Variants in PARD3B observed in about 807,000 individuals in gnomAD.
The protein encoded by PARD3B is partitioning defective 3 homolog B.
A neutral mutation model predicts 130.2 loss-of-function variants in PARD3B; 103 were observed. The observed-to-expected ratio is 0.79, with a 90% CI of 0.67 to 0.93. The LOEUF (loss-of-function observed/expected upper bound fraction) is 0.93, where lower values mean the gene tolerates loss of function less well. PARD3B is among the 40% of genes least tolerant of loss of function. The probability of loss-of-function intolerance (pLI) is 0.00; values close to 1 mark genes in which losing one functional copy is unlikely to be tolerated. For synonymous variants in PARD3B, 583 were observed against 553.2 expected (o/e 1.05, Z -0.76); for missense variants, 1,609 against 1,499.2 (o/e 1.07, Z -1.21).
intron 21 of PARD3B, among the ~76,000 whole-genome samples, chr2:205,505,170 C>T (rs535891508): frequency 3.3e-5 from 5 of 149,366 alleles, no homozygotes; most frequent in East Asian, 4.1e-4. Flanking sequence ...TGTTCTCACC[C>T]GTAGGTGGGA....
At chr2:204,708,039 T>C (rs548077233) in intron 2 of PARD3B, among the ~76,000 whole-genome samples, 112 of 152,262 alleles carry the variant, frequency 7.4e-4, no homozygotes, top group African/African-American at 2.6e-3. Context: ...CACAGCAGGA[T>C]GAGGATAGAA....
intron 2 of PARD3B, among the ~76,000 whole-genome samples, chr2:204,912,017 G>A (rs2047257400): frequency 6.6e-6 from 1 of 152,046 alleles, no homozygotes; most frequent in Admixed American, 6.5e-5. Context: ...GTTATTAGCT[G>A]TAATGGAAAA....
At chr2:205,494,209 A>G (rs2049841532) in intron 20 of PARD3B, among the ~76,000 whole-genome samples, 1 of 152,196 alleles carries the variant, frequency 6.6e-6, no homozygotes, top group Non-Finnish European at 1.5e-5. Context: ...GAAAACAGAA[A>G]CAGCTGTTTG....
chr2:205,084,576 A>G (rs1701628878), intron 4 of PARD3B, among the ~76,000 whole-genome samples: 1 of 152,082 alleles, frequency 6.6e-6, no homozygotes, highest in South Asian at 2.1e-4. Flanking sequence ...AATTTTTAAA[A>G]TGTTGTTATG....
rs572544144 is a variant in PARD3B at position 204,906,280 on chromosome 2, G to C, written c.223-58872G>C. On this transcript the variant is annotated intron_variant, in intron 2 of 22. Coordinates refer to ENST00000406610, the MANE Select transcript of PARD3B (RefSeq NM_001302769.2). The surrounding 1 kb of genome is among the most constrained non-coding windows in gnomAD (Gnocchi z 4.3). ...CTGGAGTAGGTGTCTCCTTCAGAAT[G>C]CAACCCATTTAGACTCAGACTTTTC... 6.6e-5 allele frequency among the ~76,000 whole-genome samples: 10 copies of C among 152,224 alleles called. No homozygotes were observed. In the South Asian group the frequency reaches 2.1e-3, roughly 32 times the overall value.
chr2:204,971,610 C>A (rs1354995168), intron 3 of PARD3B, among the ~76,000 whole-genome samples: 1 of 150,848 alleles, frequency 6.6e-6, no homozygotes, highest in East Asian at 2.0e-4. Context: ...CTTTCCTTCC[C>A]TGGGAGTCTG....
intron 3 of PARD3B, among the ~76,000 whole-genome samples, chr2:205,035,028 T>A (rs1239392919): frequency 6.6e-6 from 1 of 151,936 alleles, no homozygotes; most frequent in Non-Finnish European, 1.5e-5. Flanking sequence ...GCCCGGCTGA[T>A]TTTTTTGTAC....
chr2:205,194,950 A>ATTTTTTTTTT (rs56836818), intron 15 of PARD3B, among the ~76,000 whole-genome samples: 163 of 111,130 alleles, frequency 1.5e-3, no homozygotes, highest in African/African-American at 2.3e-3. Context: ...CGCCAGGCTA[A>ATTTTTTTTTT]TTTTTTTTTT....
chr2:205,374,336 C>T (rs1319736809), intron 18 of PARD3B, among the ~76,000 whole-genome samples: 6 of 151,910 alleles, frequency 3.9e-5, no homozygotes, highest in Non-Finnish European at 4.4e-5. Context: ...TCTTGGGTCC[C>T]GGTTCAAGCA....
At chr2:205,233,325 G>A (rs1002100974) in intron 15 of PARD3B, among the ~76,000 whole-genome samples, 1 of 152,100 alleles carries the variant, frequency 6.6e-6, no homozygotes, top group Non-Finnish European at 1.5e-5. Flanking sequence ...AGTTGAAAGA[G>A]TAAATCACCA....
chr2:205,167,146 G>C (rs1205602703), intron 11 of PARD3B, among the ~76,000 whole-genome samples: 1 of 152,136 alleles, frequency 6.6e-6, no homozygotes, highest in Non-Finnish European at 1.5e-5. Context: ...GCCAAGCCAG[G>C]TGGATTAAGC....
chr2:205,137,652 C>G (rs1273428338), intron 10 of PARD3B, among the ~76,000 whole-genome samples: 2 of 152,174 alleles, frequency 1.3e-5, no homozygotes, highest in East Asian at 1.9e-4. Context: ...TTCGTTTAGA[C>G]TTATGCATGG....
chr2:204,558,179 A>G (rs1436449598), intron 1 of PARD3B: 1 of 152,176 alleles, frequency 6.6e-6, no homozygotes, highest in African/African-American at 2.4e-5. Flanking sequence ...ATGCAGTGCC[A>G]AGTATCTTCC....
At chr2:205,338,185 A>G (rs1343843583) in intron 18 of PARD3B, among the ~76,000 whole-genome samples, 1 of 147,328 alleles carries the variant, frequency 6.8e-6, no homozygotes, top group East Asian at 2.0e-4. Flanking sequence ...AAAAGGCTTC[A>G]TGAGGTGTTT....
In PARD3B at chr2:204,610,459, G is replaced by A. The variant is rs914194913; in HGVS notation, c.120+64340G>A. ...CAACCTCGACCTCCCATGTTAAAGC[G>A]ATTCTCCTGCGTCAGCCTCCCGAGT... is the stretch of plus-strand genomic sequence containing the variant. On this transcript the variant is annotated intron_variant, in intron 1 of 22. Coordinates refer to ENST00000406610, the MANE Select transcript of PARD3B (RefSeq NM_001302769.2). This position sits in a 1 kb window ranked among gnomAD's most constrained non-coding sequence, Gnocchi z 4.1. Among the ~76,000 whole-genome samples, 1 of 152,142 alleles carries A rather than the reference G, an allele frequency of 6.6e-6. No individual in the cohort carries two copies. The highest frequency in any genetic ancestry group is 6.6e-5 in the Admixed American group (1 of 15,264).
At chr2:204,777,442 G>A (rs1242949229) in intron 2 of PARD3B, among the ~76,000 whole-genome samples, 1 of 152,088 alleles carries the variant, frequency 6.6e-6, no homozygotes, top group African/African-American at 2.4e-5. Flanking sequence ...TTTAAAAGAA[G>A]GTGACTAAGA....
In PARD3B at chr2:205,280,164, G is replaced by GA. The variant is rs34113084; in HGVS notation, c.2186-20359dup. 1.4e-4 allele frequency among the ~76,000 whole-genome samples: 21 copies of GA among 152,178 alleles called. No individual in the cohort carries two copies. The highest frequency in any genetic ancestry group is 7.2e-4 in the Admixed American group (11 of 15,298). Reference sequence around the variant, plus strand: ...TAGCTCTCATATAATACCTTTCAGGGAAAAAAATTGCTTTAGGACAAAATA... The same window carrying GA: ...TAGCTCTCATATAATACCTTTCAGGGAAAAAAAATTGCTTTAGGACAAAATA... On this transcript the variant is annotated intron_variant, in intron 16 of 22. Coordinates refer to ENST00000406610, the MANE Select transcript of PARD3B (RefSeq NM_001302769.2). The surrounding 1 kb of genome is among the most constrained non-coding windows in gnomAD (Gnocchi z 4.7).
chr2:205,171,504 G>A (rs1045641422), intron 11 of PARD3B, among the ~76,000 whole-genome samples: 4 of 152,178 alleles, frequency 2.6e-5, no homozygotes, highest in Middle Eastern at 3.2e-3. Context: ...TTTGTGCTTT[G>A]TAGTAAGTGG....
chr2:204,823,261 T>C (rs73066670), intron 2 of PARD3B, among the ~76,000 whole-genome samples: 2,591 of 152,178 alleles, frequency 0.017, 66 homozygotes, highest in African/African-American at 0.057. Context: ...CACTTATTAT[T>C]TTATTGAAAA....
Sources: allele counts gnomAD v4.1 joint callset (sites outside exome capture counted in the v4.1 genomes callset), GRCh38; gene constraint gnomAD v4.1.1; non-coding constraint Gnocchi (gnomAD v3.1); transcripts MANE v1.5; gene names NCBI Gene and HGNC (gene_info 2026-07-23, HGNC 2026-07-21).